The following UGT1A5 variants were observed in gnomAD, a reference collection of about 807,000 sequenced individuals.
UGT1A5 encodes the protein UDP-glucuronosyltransferase 1A5.
Under a neutral mutation model 40.3 loss-of-function variants are expected in UGT1A5, and 29 were observed. The observed-to-expected ratio is 0.72, with a 90% confidence interval of 0.54 to 0.98. UGT1A5 has a LOEUF of 0.98. Among genes scored for constraint, UGT1A5 ranks in the 50% least tolerant of loss-of-function variants. The probability of loss-of-function intolerance (pLI) is 0.00; values close to 1 mark genes in which losing one functional copy is unlikely to be tolerated. For missense variants in UGT1A5, 678 were observed against 677.9 expected (o/e 1.00, Z 0.00); for synonymous variants, 257 against 262.5 (o/e 0.98, Z 0.20).
At chr2:233,755,106 A>C in intron 1 of UGT1A5, 1 of 1,334,076 alleles carries the variant, frequency 7.5e-7, no homozygotes, top group Non-Finnish European at 1.0e-6. Flanking sequence ...GTCCGACAAC[A>C]CCTCGTAGGC....
chr2:233,760,681 CACA>C (rs1697528171), intron 1 of UGT1A5: 4 of 1,614,246 alleles, frequency 2.5e-6, no homozygotes, highest in East Asian at 2.2e-5. Context: ...CCACTTACTG[CACA>C]ACAAGGAGCT....
chr2:233,729,958 G>A (rs2077960397), intron 1 of UGT1A5: 6 of 1,613,978 alleles, frequency 3.7e-6, no homozygotes, highest in Non-Finnish European at 5.1e-6. Context: ...CTTCATTGGG[G>A]GCATCAACTG....
At chr2:233,714,594 T>C (rs2076398769) in intron 1 of UGT1A5, among the ~76,000 whole-genome samples, 1 of 152,248 alleles carries the variant, frequency 6.6e-6, no homozygotes. Flanking sequence ...ACTTTTCTAG[T>C]GGGCATGTTA....
In UGT1A5 at chr2:233,772,586, T is replaced by C. The variant is rs370727977; in HGVS notation, c.*27T>C. The C allele has an allele frequency of 3.7e-6, 6 of 1,604,570 alleles. No individual in the cohort carries two copies. The highest frequency in any genetic ancestry group is 5.1e-6 in the Non-Finnish European group (6 of 1,175,016). On this transcript the variant is annotated 3_prime_UTR_variant, in exon 5 of 5. Coordinates refer to ENST00000373414, the MANE Select transcript of UGT1A5 (RefSeq NM_019078.2). Reference sequence around the variant, plus strand: ...AAGTGGGTGGGAAATAAGGTAAAATTTTGAACCATTCCCTAGTCATTTCCA... The same window carrying C: ...AAGTGGGTGGGAAATAAGGTAAAATCTTGAACCATTCCCTAGTCATTTCCA...
At chr2:233,761,273 T>A (rs748388612) in intron 1 of UGT1A5, 95 of 1,579,546 alleles carry the variant, frequency 6.0e-5, no homozygotes, top group Non-Finnish European at 8.1e-5. Context: ...ATGCCCTCTT[T>A]TGTTAATTTT....
At chr2:233,766,659 G>C (rs1373000724) in intron 1 of UGT1A5, among the ~76,000 whole-genome samples, 1 of 152,094 alleles carries the variant, frequency 6.6e-6, no homozygotes, top group Non-Finnish European at 1.5e-5. Context: ...AAGGGACCAC[G>C]CCCTTCCCAG....
chr2:233,769,450 T>C lies in UGT1A5; in HGVS notation c.1307+1011T>C, dbSNP rs1280911013. 7 of 1,587,838 alleles carry C rather than the reference T, an allele frequency of 4.4e-6. No individual in the cohort carries two copies. The East Asian group carries it at 1.6e-4, about 36-fold the overall frequency. On this transcript the variant is annotated intron_variant, in intron 4 of 4. Transcript: ENST00000373414. The surrounding 1 kb of genome is among the most constrained non-coding windows in gnomAD (Gnocchi z 4.4). ...CTGTGCTCATGTGTGGGTGCACACG[T>C]GTGCATTCATATGCGTGTGTGTGTG...
Position 233,765,258 on chromosome 2 carries a change from A to G in UGT1A5, c.868-1776A>G, listed in dbSNP as rs28900400. On this transcript the variant is annotated intron_variant, in intron 1 of 4. Coordinates refer to ENST00000373414, the MANE Select transcript of UGT1A5 (RefSeq NM_019078.2). ...AGACTCAGTAATCCCATTACTGGGT[A>G]TATACCCAAAGAAATATAAATTATT... Among the ~76,000 whole-genome samples, 1,446 of 152,334 alleles carry G rather than the reference A, an allele frequency of 9.5e-3. 33 individuals carry two copies. Among genetic ancestry groups the G allele is most frequent in the African/African-American group, 0.033 (1,355 of 41,576 alleles).
At chr2:233,724,233 G>T (rs1323099966) in intron 1 of UGT1A5, among the ~76,000 whole-genome samples, 1 of 126,056 alleles carries the variant, frequency 7.9e-6, no homozygotes, top group Non-Finnish European at 1.7e-5. Flanking sequence ...CAGTAGGGGC[G>T]GCCGGGCAGA....
Position 233,768,439 on chromosome 2 carries a change from G to A in UGT1A5, c.1307G>A (p.Ser436Asn), listed in dbSNP as rs1306719122. The change falls in exon 4 of 5, where the codon AGT becomes AAT. Residue 436 changes from serine (S) to asparagine (N), a missense_variant and splice_region_variant. Coordinates refer to ENST00000373414, the MANE Select transcript of UGT1A5 (RefSeq NM_019078.2). ...NALKAVINDK[S>N]YKENIMRLSS... The stretch of plus-strand genomic sequence containing the variant: ...CTAAAAGCAGTCATCAATGACAAAA[G>A]GTAAGAAAGAAGATACAGAAGAATA... 3.1e-6 allele frequency: 5 copies of A among 1,613,244 alleles called. No individual in the cohort carries two copies. The highest frequency in any genetic ancestry group is 1.3e-5 in the African/African-American group (1 of 74,970).
At position 233,772,374 on chromosome 2, in the gene UGT1A5, C is replaced by T. The variant is rs773725816; in HGVS notation, c.1420C>T (p.His474Tyr). Reference protein sequence around the residue: ...EFVMRHKGAPHLRPAAHDLTW... With the variant: ...EFVMRHKGAPYLRPAAHDLTW... ...TGTGATGAGGCACAAGGGCGCGCCA[C>T]ACCTGCGCCCCGCAGCCCACGACCT... is the stretch of plus-strand genomic sequence containing the variant. The change falls in exon 5 of 5, where the codon CAC becomes TAC. Residue 474 changes from histidine (H) to tyrosine (Y), a missense_variant. Transcript: ENST00000373414. 1.2e-6 allele frequency: 2 copies of T among 1,614,266 alleles called. No individual in the cohort carries two copies. Among genetic ancestry groups the T allele is most frequent in the South Asian group, 2.2e-5 (2 of 91,082 alleles).
intron 1 of UGT1A5, among the ~76,000 whole-genome samples, chr2:233,759,704 G>A (rs891688930): frequency 3.4e-4 from 52 of 151,494 alleles, no homozygotes; most frequent in African/African-American, 1.2e-3. Flanking sequence ...CTCATGGCGC[G>A]TGCTCGTGTG....
At chr2:233,733,439 G>T (rs1332999216) in intron 1 of UGT1A5, among the ~76,000 whole-genome samples, 5 of 152,168 alleles carry the variant, frequency 3.3e-5, no homozygotes, top group Non-Finnish European at 7.3e-5. Context: ...GATATTGGCT[G>T]CGGGTTTGTC....
At chr2:233,765,064 G>A (rs1050662538) in intron 1 of UGT1A5, among the ~76,000 whole-genome samples, 2 of 152,202 alleles carry the variant, frequency 1.3e-5, no homozygotes, top group Admixed American at 1.3e-4. Flanking sequence ...CCTGTCAGAG[G>A]TCTCCTGTGT....
At chr2:233,734,267 C>T (rs1349289847) in intron 1 of UGT1A5, among the ~76,000 whole-genome samples, 2 of 152,020 alleles carry the variant, frequency 1.3e-5, no homozygotes, top group Non-Finnish European at 2.9e-5. Flanking sequence ...GTGTATGTGT[C>T]CAGGAATTTA....
chr2:233,760,847 C>A, intron 1 of UGT1A5: 1 of 1,614,018 alleles, frequency 6.2e-7, no homozygotes, highest in South Asian at 1.1e-5. Flanking sequence ...ACCCAGTGCC[C>A]CAACCCATTC....
chr2:233,724,264 C>T (rs1250827727), intron 1 of UGT1A5, among the ~76,000 whole-genome samples: 29 of 116,506 alleles, frequency 2.5e-4, no homozygotes, highest in African/African-American at 4.8e-4. Flanking sequence ...ACCTCCCGGA[C>T]GGGGCGGCTG....
intron 1 of UGT1A5, among the ~76,000 whole-genome samples, chr2:233,724,399 C>T (rs1329746304): frequency 1.5e-4 from 22 of 142,970 alleles, no homozygotes; most frequent in African/African-American, 5.2e-4. Flanking sequence ...CCTCACTTCC[C>T]AGATGGGGTG....
At chr2:233,755,840 T>G (rs557934522) in intron 1 of UGT1A5, 1 of 152,356 alleles carries the variant, frequency 6.6e-6, no homozygotes, top group Admixed American at 6.5e-5. Flanking sequence ...ATTGGGCAAT[T>G]TAAGAAGAAT....
Sources: gnomAD v4.1 joint callset for allele counts (sites outside exome capture counted in the v4.1 genomes callset) on GRCh38, gnomAD v4.1.1 for gene constraint, Gnocchi (gnomAD v3.1) non-coding constraint, MANE v1.5 for transcripts, NCBI Gene and HGNC (gene_info 2026-07-23, HGNC 2026-07-21) for gene names.